POLH: variants seen among roughly 807,000 people sequenced by gnomAD.
The protein encoded by POLH is DNA polymerase eta.
POLH carries 53 observed loss-of-function variants against 73.6 expected under a neutral mutation model. That is an observed-to-expected ratio of 0.72 (90% CI 0.58 to 0.91). POLH has a LOEUF of 0.91. Among genes scored for constraint, POLH ranks in the 40% least tolerant of loss-of-function variants. The probability of loss-of-function intolerance (pLI) is 0.00; values close to 1 mark genes in which losing one functional copy is unlikely to be tolerated. For synonymous variants in POLH, 292 were observed against 308.5 expected (o/e 0.95, Z 0.56); for missense variants, 768 against 865.4 (o/e 0.89, Z 1.41).
At chr6:43,587,233 C>T (rs377021759) in intron 3 of POLH, 39 bp from the exon 4 acceptor site, 8 of 1,497,312 alleles carry the variant, frequency 5.3e-6, no homozygotes, top group African/African-American at 1.4e-5. Flanking sequence ...AAGGTTGCCT[C>T]TGTTTATTGC....
At chr6:43,604,987 T>G (rs991792531) in intron 8 of POLH, among the ~76,000 whole-genome samples, 1 of 152,198 alleles carries the variant, frequency 6.6e-6, no homozygotes. Flanking sequence ...ATATTATGCT[T>G]CAAGTTTGGG....
At chr6:43,608,675 T>C (rs745376497) in intron 9 of POLH, among the ~76,000 whole-genome samples, 344 of 152,308 alleles carry the variant, frequency 2.3e-3, no homozygotes, top group Non-Finnish European at 4.0e-3. Context: ...AGTACAGGCA[T>C]GAGCCACTGT....
At chr6:43,603,433 A>AT (rs1373359619) in intron 6 of POLH, among the ~76,000 whole-genome samples, 2 of 150,736 alleles carry the variant, frequency 1.3e-5, no homozygotes, top group South Asian at 2.1e-4. Flanking sequence ...CCTGGCCTTA[A>AT]TTTTTTTTTG....
intron 10 of POLH, among the ~76,000 whole-genome samples, chr6:43,612,800 ATTTTTTTTTTTTT>A (rs973070635): frequency 1.1e-4 from 15 of 134,056 alleles, no homozygotes; most frequent in African/African-American, 3.9e-4. Flanking sequence ...AAAATTTCTG[ATTTTTTTTTTTTT>A]TTTTTTGAGA....
intron 9 of POLH, among the ~76,000 whole-genome samples, chr6:43,606,808 G>T (rs1405335166): frequency 6.6e-6 from 1 of 151,986 alleles, no homozygotes; most frequent in East Asian, 1.9e-4. Flanking sequence ...ATAATTCAGT[G>T]GTTTTAGTAT....
chr6:43,613,608 T>G, intron 10 of POLH, 52 bp from the exon 11 acceptor site: 1 of 1,411,098 alleles, frequency 7.1e-7, no homozygotes, highest in Non-Finnish European at 1.0e-6. Flanking sequence ...AATAGGTCAC[T>G]ATTTTAATCT....
chr6:43,597,872 G>C lies in POLH; in HGVS notation c.660+7G>C. The C allele has an allele frequency of 6.3e-7, 1 of 1,599,596 alleles. No individual in the cohort carries two copies. On this transcript the variant is annotated splice_region_variant and intron_variant, in intron 5 of 10. Transcript: ENST00000372236. ...TGGAATTTCACACAATAAGGTGAAG[G>C]CTAATAGTAGATTTCAAAGAGAAAC...
At chr6:43,581,257 G>T (rs955732893) in intron 1 of POLH, among the ~76,000 whole-genome samples, 1 of 149,590 alleles carries the variant, frequency 6.7e-6, no homozygotes, top group Non-Finnish European at 1.5e-5. Flanking sequence ...TCCCAGATGG[G>T]GCGGCGGGGC....
At chr6:43,580,773 C>T (rs1293981736) in intron 1 of POLH, among the ~76,000 whole-genome samples, 1 of 136,100 alleles carries the variant, frequency 7.3e-6, no homozygotes, top group African/African-American at 2.8e-5. Context: ...GGCCGACCCC[C>T]CCACCTCCCT....
chr6:43,606,387 T>C (rs917304485), intron 9 of POLH, among the ~76,000 whole-genome samples: 2 of 152,102 alleles, frequency 1.3e-5, no homozygotes, highest in Non-Finnish European at 2.9e-5. Flanking sequence ...CTGAGCATTG[T>C]ACATTTTTCT....
At chr6:43,613,185 G>GGTAA (rs1444359107) in intron 10 of POLH, among the ~76,000 whole-genome samples, 3 of 152,150 alleles carry the variant, frequency 2.0e-5, no homozygotes, top group African/African-American at 7.2e-5. Context: ...ATTCCAGAGT[G>GGTAA]GTAAGTCAGT....
rs948847190 is a variant in POLH, at chr6:43,605,286, A to G, written c.1041A>G (p.Glu347=). Residue 347 remains glutamate, a synonymous_variant, in exon 9 of 11, where the codon GAA becomes GAG. Coordinates refer to ENST00000372236, the MANE Select transcript of POLH (RefSeq NM_006502.3). ...GGTGGCTGTTGCAATTAGCCCAGGA[A>G]CTAGAGGAGAGACTGACTAAAGACC... The part of the protein sequence containing the change: ...VQWWLLQLAQ[E]LEERLTKDRN... 1.9e-6 allele frequency: 3 copies of G among 1,597,506 alleles called. No individual in the cohort carries two copies. Among genetic ancestry groups the G allele is most frequent in the Non-Finnish European group, 2.6e-6 (3 of 1,165,266 alleles).
intron 4 of POLH, among the ~76,000 whole-genome samples, chr6:43,589,859 T>C (rs1405787934): frequency 6.6e-6 from 1 of 152,258 alleles, no homozygotes; most frequent in East Asian, 1.9e-4. Context: ...GGTCTCACTA[T>C]GTTGCCCAGG....
At chr6:43,594,531 AC>A (rs550893128) in intron 4 of POLH, among the ~76,000 whole-genome samples, 135 of 152,184 alleles carry the variant, frequency 8.9e-4, no homozygotes, top group Non-Finnish European at 1.6e-3. Context: ...ACATGGTGAA[AC>A]CCCATCTCTA....
intron 1 of POLH, among the ~76,000 whole-genome samples, chr6:43,579,767 G>A (rs1287950201): frequency 1.3e-5 from 2 of 152,176 alleles, no homozygotes; most frequent in Non-Finnish European, 2.9e-5. Flanking sequence ...GGTAGATAAT[G>A]TCAGACTCGA....
Position 43,614,530 on chromosome 6 carries a change from A to G in POLH, c.2115A>G (p.Glu705=), listed in dbSNP as rs1172995001. 3.2e-5 allele frequency: 51 copies of G among 1,613,936 alleles called. 1 individual carries two copies. The highest frequency in any genetic ancestry group is 4.2e-5 in the Non-Finnish European group (50 of 1,180,020). The change falls in exon 11 of 11, where the codon GAA becomes GAG. Residue 705 remains glutamate (E), a synonymous_variant. Transcript: ENST00000372236. ...GGCCTGAGGGCATGCAAACATTGGA[A>G]TCATTTTTTAAGCCATTAACACATT... ...RPRPEGMQTL[E]SFFKPLTH is the part of the protein sequence containing the mutation.
chr6:43,582,424 A>G lies in POLH; in HGVS notation c.105A>G (p.Ala35=). 6.2e-7 allele frequency: 1 copy of G among 1,613,948 alleles called. No homozygotes were observed. Among genetic ancestry groups the G allele is most frequent in the Non-Finnish European group, 8.5e-7 (1 of 1,179,796 alleles). ...QNPHLRNKPC[A]VVQYKSWKGG... ...CTCATTTGAGGAATAAACCTTGTGC[A>G]GTTGTACAGTACAAATCATGGAAGG... Residue 35 remains alanine, a synonymous_variant, in exon 2 of 11, where the codon GCA becomes GCG. Coordinates refer to ENST00000372236, the MANE Select transcript of POLH (RefSeq NM_006502.3).
intron 4 of POLH, among the ~76,000 whole-genome samples, chr6:43,595,287 C>G (rs932979675): frequency 6.6e-6 from 1 of 151,854 alleles, no homozygotes; most frequent in African/African-American, 2.4e-5. Flanking sequence ...TGCACCACCA[C>G]GCCTGGCTAA....
In POLH at chr6:43,597,683, TAATTC is replaced by T. The variant is rs778580232; in HGVS notation, c.491-11_491-7del. The T allele has an allele frequency of 6.2e-7, 1 of 1,609,460 alleles. No individual in the cohort carries two copies. Among genetic ancestry groups the T allele is most frequent in the Non-Finnish European group, 8.5e-7 (1 of 1,175,770 alleles). On this transcript the variant is annotated splice_region_variant and splice_polypyrimidine_tract_variant and intron_variant, in intron 4 of 10. Transcript: ENST00000372236. The stretch of plus-strand genomic sequence containing the variant: ...TTTTAAATGTCTAAATGTGAGTTCT[TAATTC>T]ATTTCAGAGGGGATGCGAAAACAAG...
Sources: allele counts gnomAD v4.1 joint callset (sites outside exome capture counted in the v4.1 genomes callset), GRCh38; gene constraint gnomAD v4.1.1; transcripts MANE v1.5; gene names NCBI Gene and HGNC (gene_info 2026-07-23, HGNC 2026-07-21).